The following MEGF10 variants were observed in gnomAD, a reference collection of about 807,000 sequenced individuals.
The protein encoded by MEGF10 is multiple epidermal growth factor-like domains protein 10.
A neutral mutation model predicts 147.5 loss-of-function variants in MEGF10; 86 were observed. The observed-to-expected ratio is 0.58, with a 90% confidence interval of 0.49 to 0.70. The LOEUF (loss-of-function observed/expected upper bound fraction) is 0.70, where lower values mean the gene tolerates loss of function less well. Among genes scored for constraint, MEGF10 ranks in the 30% least tolerant of loss-of-function variants. The pLI, the probability that MEGF10 is intolerant of heterozygous loss-of-function variation, is 0.00. For missense variants in MEGF10, 1,329 were observed against 1,487.3 expected (o/e 0.89, Z 1.75); for synonymous variants, 478 against 525.5 (o/e 0.91, Z 1.24).
chr5:127,446,313 T>C (rs1765940228), intron 20 of MEGF10, among the ~76,000 whole-genome samples: 2 of 152,342 alleles, frequency 1.3e-5, no homozygotes, highest in East Asian at 1.9e-4. Context: ...AAGTTTAAAA[T>C]CTTTATTACT....
At chr5:127,353,809 G>A (rs139041290) in intron 4 of MEGF10, among the ~76,000 whole-genome samples, 325 of 152,310 alleles carry the variant, frequency 2.1e-3, no homozygotes, top group African/African-American at 6.6e-3. Flanking sequence ...TAATGGGGGC[G>A]TCCAGGCAAG....
At chr5:127,316,759 G>T (rs568143440) in intron 1 of MEGF10, among the ~76,000 whole-genome samples, 1 of 152,238 alleles carries the variant, frequency 6.6e-6, no homozygotes, top group African/African-American at 2.4e-5. Context: ...ACATTAAGGA[G>T]TCTGGTAGCT....
chr5:127,250,383 A>G, the MEGF10 span, among the ~76,000 whole-genome samples: 1 of 152,038 alleles, frequency 6.6e-6, no homozygotes, highest in East Asian at 1.9e-4. Context: ...AATTTACTAT[A>G]TAAATAGATA....
At chr5:127,243,716 C>A in the MEGF10 span, among the ~76,000 whole-genome samples, 1 of 152,036 alleles carries the variant, frequency 6.6e-6, no homozygotes, top group Non-Finnish European at 1.5e-5. Context: ...ATCGATGAAG[C>A]TCAGGAGTTT....
intron 20 of MEGF10, among the ~76,000 whole-genome samples, chr5:127,447,331 G>A (rs558074250): frequency 2.0e-5 from 3 of 151,968 alleles, no homozygotes; most frequent in South Asian, 2.1e-4. Context: ...GCATGCTACC[G>A]TGCCCGGCTA....
At chr5:127,315,265 A>G (rs1048200941) in intron 1 of MEGF10, among the ~76,000 whole-genome samples, 8 of 152,242 alleles carry the variant, frequency 5.3e-5, no homozygotes, top group African/African-American at 1.2e-4. Flanking sequence ...CTTGATATTA[A>G]TGTTCCAGTT....
chr5:127,431,656 G>C (rs1464138597), intron 13 of MEGF10, among the ~76,000 whole-genome samples: 1 of 152,168 alleles, frequency 6.6e-6, no homozygotes, highest in African/African-American at 2.4e-5. Flanking sequence ...GTGATAAGCA[G>C]GTGTCCCCAT....
intron 13 of MEGF10, 37 bp downstream of exon 13, chr5:127,422,809 C>A: frequency 1.3e-6 from 2 of 1,504,516 alleles, no homozygotes; most frequent in Non-Finnish European, 9.2e-7. Flanking sequence ...AGGTGAAACC[C>A]GCCAATTTAA....
the MEGF10 span, among the ~76,000 whole-genome samples, chr5:127,263,378 A>G: frequency 6.6e-6 from 1 of 152,122 alleles, no homozygotes; most frequent in African/African-American, 2.4e-5. Flanking sequence ...CCTTTGCTAT[A>G]GATTTCCAGT....
chr5:127,403,390 T>C (rs1449617128), intron 8 of MEGF10, among the ~76,000 whole-genome samples: 1 of 152,234 alleles, frequency 6.6e-6, no homozygotes, highest in Non-Finnish European at 1.5e-5. Flanking sequence ...AAGCACATTA[T>C]GCGGAATGGG....
chr5:127,433,556 A>G (rs764570709), intron 14 of MEGF10, 47 bp downstream of exon 14: 1 of 1,550,538 alleles, frequency 6.4e-7, no homozygotes, highest in South Asian at 1.3e-5. Flanking sequence ...TTCCCTGGGC[A>G]CCATGTATCG....
chr5:127,366,095 G>A (rs1191799493), intron 4 of MEGF10, among the ~76,000 whole-genome samples: 2 of 151,982 alleles, frequency 1.3e-5, no homozygotes, highest in Non-Finnish European at 2.9e-5. Flanking sequence ...AGAGTAGGTG[G>A]CATTTGAAGC....
At chr5:127,454,725 G>A (rs1268524362) in intron 23 of MEGF10, 115 bp downstream of exon 23, 1 of 901,142 alleles carries the variant, frequency 1.1e-6, no homozygotes, top group Non-Finnish European at 1.7e-6. Context: ...AGAATTTTTA[G>A]TGTGGTCAGT....
intron 14 of MEGF10, among the ~76,000 whole-genome samples, chr5:127,434,141 T>C (rs1260712276): frequency 2.0e-5 from 3 of 152,230 alleles, no homozygotes; most frequent in Non-Finnish European, 2.9e-5. Context: ...TTATCATATA[T>C]TTAAATCTGA....
intron 6 of MEGF10, among the ~76,000 whole-genome samples, chr5:127,397,810 A>T (rs1046714612): frequency 6.6e-6 from 1 of 152,212 alleles, no homozygotes; most frequent in Non-Finnish European, 1.5e-5. Flanking sequence ...AGGCTTAAAG[A>T]AGAAGGGCCA....
At chr5:127,316,023 C>G (rs904041506) in intron 1 of MEGF10, among the ~76,000 whole-genome samples, 1 of 152,190 alleles carries the variant, frequency 6.6e-6, no homozygotes, top group African/African-American at 2.4e-5. Context: ...AAATGGGTCC[C>G]TGTACCAGGC....
chr5:127,232,548 C>G, the MEGF10 span, among the ~76,000 whole-genome samples: 1 of 152,120 alleles, frequency 6.6e-6, no homozygotes, highest in Non-Finnish European at 1.5e-5. Flanking sequence ...CAGTCACTGT[C>G]TTTAGGATGC....
chr5:127,246,993 T>TAC, the MEGF10 span, among the ~76,000 whole-genome samples: 1 of 15,140 alleles, frequency 6.6e-5, no homozygotes, highest in East Asian at 1.9e-3. Flanking sequence ...AGAATATATA[T>TAC]ATATATATAT....
chr5:127,343,190 A>G (rs957661616), intron 4 of MEGF10, among the ~76,000 whole-genome samples: 26 of 152,294 alleles, frequency 1.7e-4, no homozygotes, highest in African/African-American at 5.8e-4. Context: ...AACTGTTTCC[A>G]GTCACCAAGA....
Sources: allele counts gnomAD v4.1 joint callset (sites outside exome capture counted in the v4.1 genomes callset), GRCh38; gene constraint gnomAD v4.1.1; transcripts MANE v1.5; gene names NCBI Gene and HGNC (gene_info 2026-07-23, HGNC 2026-07-21).